Variants in HMCN1 observed in about 807,000 individuals in gnomAD.
HMCN1 encodes the protein hemicentin-1.
In HMCN1, 321 loss-of-function variants were observed where a neutral mutation model predicts 625.9. The ratio of observed to expected loss-of-function variants is 0.51; its 90% CI spans 0.47 to 0.56. HMCN1 has a LOEUF of 0.56. Ranked by LOEUF, HMCN1 falls within the 20% of genes least tolerant of loss-of-function variation. HMCN1 has a pLI of 0.00. For synonymous variants in HMCN1, 2,425 were observed against 2,417.6 expected (o/e 1.00, Z -0.09); for missense variants, 6,588 against 6,887.3 (o/e 0.96, Z 1.54).
rs368825571 is a variant in HMCN1, at chr1:186,088,271, G to C, written c.9572G>C (p.Arg3191Pro). The C allele has an allele frequency of 6.2e-7, 1 of 1,612,510 alleles. No homozygotes were observed. The highest frequency in any genetic ancestry group is 1.3e-5 in the African/African-American group (1 of 74,940). ...PTIAWLKNHK[R>P]IENSDSLEVR... ...ATAGCATGGTTAAAGAACCACAAGCGCATAGGTAAGGCAACCATGCATTTT... is the reference window on the plus strand; with the variant it reads ...ATAGCATGGTTAAAGAACCACAAGCCCATAGGTAAGGCAACCATGCATTTT... The change falls in exon 62 of 107, where the codon CGC becomes CCC. Residue 3191 changes from arginine to proline, a missense_variant. Coordinates refer to ENST00000271588, the MANE Select transcript of HMCN1 (RefSeq NM_031935.3).
intron 30 of HMCN1, among the ~76,000 whole-genome samples, chr1:186,014,337 ATTATAC>A (rs1311627842): frequency 6.6e-6 from 1 of 151,124 alleles, no homozygotes. Context: ...TATATATTTT[ATTATAC>A]TTTAAGTTCT....
intron 36 of HMCN1, among the ~76,000 whole-genome samples, chr1:186,026,600 AC>A (rs1655071094): frequency 6.6e-6 from 1 of 152,014 alleles, no homozygotes; most frequent in Non-Finnish European, 1.5e-5. Context: ...TTATCAACCA[AC>A]CCTGTAGTTA....
chr1:185,991,403 C>T (rs899179904), intron 22 of HMCN1, among the ~76,000 whole-genome samples: 2 of 152,122 alleles, frequency 1.3e-5, no homozygotes, highest in African/African-American at 2.4e-5. Context: ...CTTCCACAGT[C>T]GCAGTTTCTC....
chr1:186,039,418 A>ACT (rs1656061593), intron 38 of HMCN1, among the ~76,000 whole-genome samples: 1 of 152,080 alleles, frequency 6.6e-6, no homozygotes, highest in Non-Finnish European at 1.5e-5. Flanking sequence ...GTGCACACAC[A>ACT]CACACACACA....
At chr1:186,079,738 G>A (rs760940589) in intron 55 of HMCN1, among the ~76,000 whole-genome samples, 19 of 152,278 alleles carry the variant, frequency 1.2e-4, no homozygotes, top group Admixed American at 3.9e-4. Context: ...GATGGTCAAG[G>A]GTAGATGTTC....
intron 4 of HMCN1, among the ~76,000 whole-genome samples, chr1:185,898,558 G>A (rs1285286746): frequency 1.3e-5 from 2 of 152,108 alleles, no homozygotes; most frequent in Non-Finnish European, 2.9e-5. Flanking sequence ...TGTCTTGGTA[G>A]ATGGTCAGGG....
rs930348148 is a variant in HMCN1 at position 185,734,520 on chromosome 1, C to G, written c.-260C>G. 1 of 485,136 alleles carries G rather than the reference C, an allele frequency of 2.1e-6. No individual in the cohort carries two copies. The highest frequency in any genetic ancestry group is 3.6e-5 in the East Asian group (1 of 27,866). The allele number at this position is 485,136 out of a possible 1,614,324, so 30.1% of individuals were successfully genotyped here. On this transcript the variant is annotated 5_prime_UTR_variant, in exon 1 of 107. Coordinates refer to ENST00000271588, the MANE Select transcript of HMCN1 (RefSeq NM_031935.3). ...CGCCCGCACTCCGCCACAGGCTGTC[C>G]AGGGCCCGCGGGCAGATAGCAGTCC...
intron 40 of HMCN1, among the ~76,000 whole-genome samples, chr1:186,043,955 C>A (rs1224537354): frequency 2.0e-5 from 3 of 152,110 alleles, no homozygotes; most frequent in African/African-American, 7.2e-5. Flanking sequence ...GTGGCACATG[C>A]CTGTAATCCC....
chr1:185,962,662 A>G lies in HMCN1; in HGVS notation c.1970+3A>G. The G allele has an allele frequency of 6.5e-7, 1 of 1,539,390 alleles. No individual in the cohort carries two copies. Among genetic ancestry groups the G allele is most frequent in the Non-Finnish European group, 9.0e-7 (1 of 1,111,800 alleles). On this transcript the variant is annotated splice_donor_region_variant and intron_variant, in intron 12 of 106. Coordinates refer to ENST00000271588, the MANE Select transcript of HMCN1 (RefSeq NM_031935.3). The stretch of plus-strand genomic sequence containing the variant: ...ATGTTTATCGTGGGTTCACACAGGT[A>G]CTGGGTTTGTATCATGTTTTTGTTT...
Position 186,023,173 on chromosome 1 carries a change from T to C in HMCN1, c.5749+20T>C. ...TTCATGGTAATGTAATTTCTACACC[T>C]TAACAAAAGAATATTTGTATCACTT... On this transcript the variant is annotated intron_variant, in intron 36 of 106. Coordinates refer to ENST00000271588, the MANE Select transcript of HMCN1 (RefSeq NM_031935.3). 1 of 1,606,710 alleles carries C rather than the reference T, an allele frequency of 6.2e-7. No homozygotes were observed. Among genetic ancestry groups the C allele is most frequent in the Non-Finnish European group, 8.5e-7 (1 of 1,173,802 alleles).
intron 1 of HMCN1, among the ~76,000 whole-genome samples, chr1:185,826,395 C>T (rs1660513388): frequency 6.6e-6 from 1 of 152,124 alleles, no homozygotes; most frequent in African/African-American, 2.4e-5. Context: ...CAGATCCTCC[C>T]AAAGGAGGAA....
intron 4 of HMCN1, among the ~76,000 whole-genome samples, chr1:185,898,469 A>G (rs369802488): frequency 3.1e-4 from 47 of 149,386 alleles, no homozygotes; most frequent in African/African-American, 1.1e-3. Context: ...CTGTAAGCAG[A>G]CTTTTTTTTT....
intron 11 of HMCN1, among the ~76,000 whole-genome samples, chr1:185,948,259 T>G (rs1376435742): frequency 6.6e-6 from 1 of 152,178 alleles, no homozygotes; most frequent in East Asian, 1.9e-4. Context: ...TTGGACATTT[T>G]CAGGAATATA....
intron 23 of HMCN1, among the ~76,000 whole-genome samples, chr1:185,994,206 G>A (rs1480595259): frequency 6.6e-6 from 1 of 152,040 alleles, no homozygotes; most frequent in Non-Finnish European, 1.5e-5. Context: ...ATTCTACAGT[G>A]CACAATGCAA....
At chr1:185,770,840 C>T (rs1327539452) in intron 1 of HMCN1, among the ~76,000 whole-genome samples, 2 of 152,148 alleles carry the variant, frequency 1.3e-5, no homozygotes, top group African/African-American at 4.8e-5. Flanking sequence ...AAGTGCAGGG[C>T]CTTATTAAGG....
At chr1:185,847,706 GC>G in intron 2 of HMCN1, among the ~76,000 whole-genome samples, 1 of 152,196 alleles carries the variant, frequency 6.6e-6, no homozygotes, top group Non-Finnish European at 1.5e-5. Context: ...TCCCAGTGCT[GC>G]TTTGGGAGGC....
chr1:186,023,352 G>A lies in HMCN1; in HGVS notation c.5749+199G>A, dbSNP rs1038623864. The stretch of plus-strand genomic sequence containing the variant: ...TCGTGTTAGGATCTTCTGTTTTCAG[G>A]TTGTCAAACAGGATATACTGGAGCT... On this transcript the variant is annotated intron_variant, in intron 36 of 106. Transcript: ENST00000271588. Among the ~76,000 whole-genome samples, 6 of 150,130 alleles carry A rather than the reference G, an allele frequency of 4.0e-5. No individual in the cohort carries two copies. The East Asian group carries it at 1.2e-3, about 29-fold the overall frequency.
intron 1 of HMCN1, among the ~76,000 whole-genome samples, chr1:185,746,145 C>T (rs1011253733): frequency 1.2e-4 from 19 of 152,078 alleles, no homozygotes; most frequent in African/African-American, 4.1e-4. Flanking sequence ...GTGGAGCTTC[C>T]ATAGAAGGCT....
chr1:185,780,310 T>C (rs897026892), intron 1 of HMCN1, among the ~76,000 whole-genome samples: 1 of 152,212 alleles, frequency 6.6e-6, no homozygotes, highest in African/African-American at 2.4e-5. Context: ...CAATTTGACT[T>C]CCTCTTTTCC....
Sources: allele counts gnomAD v4.1 joint callset (sites outside exome capture counted in the v4.1 genomes callset), GRCh38; gene constraint gnomAD v4.1.1; transcripts MANE v1.5; gene names NCBI Gene and HGNC (gene_info 2026-07-23, HGNC 2026-07-21).